Variants in TAFA2 observed in about 807,000 individuals in gnomAD.
TAFA2 encodes the protein TAFA chemokine like family member 2.
Under a neutral mutation model 18.8 loss-of-function variants are expected in TAFA2, and 7 were observed. That is an observed-to-expected ratio of 0.37 (90% CI 0.21 to 0.70). The LOEUF (loss-of-function observed/expected upper bound fraction) is 0.70, where lower values mean the gene tolerates loss of function less well. TAFA2 is among the 30% of genes least tolerant of loss of function. TAFA2 has a pLI of 0.53. For synonymous variants in TAFA2, 60 were observed against 54.2 expected (o/e 1.11, Z -0.47); for missense variants, 122 against 158.1 (o/e 0.77, Z 1.23).
chr12:61,865,007 C>A (rs1208512327), intron 2 of TAFA2, among the ~76,000 whole-genome samples: 1 of 152,064 alleles, frequency 6.6e-6, no homozygotes, highest in Non-Finnish European at 1.5e-5. Context: ...GAAAGCCAAG[C>A]CAAATGTCCC....
At chr12:61,930,178 A>AAAACGGG (rs1392148134) in intron 1 of TAFA2, among the ~76,000 whole-genome samples, 3 of 152,134 alleles carry the variant, frequency 2.0e-5, no homozygotes, top group Non-Finnish European at 4.4e-5. Flanking sequence ...AAATAAAAAG[A>AAAACGGG]AAACGGGAAG....
At chr12:62,028,991 T>C (rs1026745516) in intron 1 of TAFA2, among the ~76,000 whole-genome samples, 2 of 152,180 alleles carry the variant, frequency 1.3e-5, no homozygotes, top group Non-Finnish European at 2.9e-5. Flanking sequence ...AAAATACATG[T>C]ATTTAATATG....
At chr12:62,166,132 C>A (rs772902093) in intron 1 of TAFA2, among the ~76,000 whole-genome samples, 26 of 152,070 alleles carry the variant, frequency 1.7e-4, no homozygotes, top group Non-Finnish European at 3.4e-4. Flanking sequence ...CTCATCTTTT[C>A]TTATATTTTA....
chr12:61,747,278 T>C (rs1565619196), intron 4 of TAFA2, among the ~76,000 whole-genome samples: 1 of 146,436 alleles, frequency 6.8e-6, no homozygotes, highest in Non-Finnish European at 1.5e-5. Flanking sequence ...GACTGTAAAC[T>C]AGTTCAACCA....
intron 1 of TAFA2, among the ~76,000 whole-genome samples, chr12:62,106,968 GTTGACA>G (rs1024544347): frequency 6.6e-6 from 1 of 152,018 alleles, no homozygotes; most frequent in Non-Finnish European, 1.5e-5. Context: ...TGTTCCCCCT[GTTGACA>G]TAGGTCAAGA....
intron 2 of TAFA2, among the ~76,000 whole-genome samples, chr12:61,781,166 G>A (rs1446720967): frequency 6.6e-6 from 1 of 151,752 alleles, no homozygotes; most frequent in Non-Finnish European, 1.5e-5. Flanking sequence ...TCAATCAGCA[G>A]GTATAAATGG....
At chr12:61,873,921 A>G (rs548032607) in intron 1 of TAFA2, among the ~76,000 whole-genome samples, 1 of 152,308 alleles carries the variant, frequency 6.6e-6, no homozygotes, top group Non-Finnish European at 1.5e-5. Flanking sequence ...TAAGTTGTAT[A>G]TATAAAGGGT....
rs561966120 is a variant in TAFA2, at chr12:61,971,055, G to C, written c.-1-103629C>G. ...AAATAGATCATTATTGAACTAAGAA[G>C]AAGTGGAAAGAAGCTGGGAGGGTAT... On this transcript the variant is annotated intron_variant, in intron 1 of 4. Transcript: ENST00000416284. Among the ~76,000 whole-genome samples the C allele has an allele frequency of 5.9e-5, 9 of 151,746 alleles. No homozygotes were observed. In the East Asian group the frequency reaches 1.4e-3, roughly 23 times the overall value.
intron 1 of TAFA2, among the ~76,000 whole-genome samples, chr12:62,254,044 C>T (rs1382265451): frequency 1.3e-5 from 2 of 152,218 alleles, no homozygotes; most frequent in Non-Finnish European, 2.9e-5. Context: ...TAAAGCTACA[C>T]TTTAAATATT....
At chr12:61,724,798 T>TATATACACCAGATGG (rs1416087029) in intron 4 of TAFA2, among the ~76,000 whole-genome samples, 208 of 98,394 alleles carry the variant, frequency 2.1e-3, no homozygotes, top group Middle Eastern at 4.6e-3. Flanking sequence ...TGTGTGTGTG[T>TATATACACCAGATGG]GTGTATACAC....
chr12:61,918,466 A>G (rs1428402968), intron 1 of TAFA2, among the ~76,000 whole-genome samples: 1 of 152,090 alleles, frequency 6.6e-6, no homozygotes, highest in African/African-American at 2.4e-5. Context: ...AGTTCCATCT[A>G]CATTGTTGCA....
At chr12:62,239,826 A>G (rs1008221496) in intron 1 of TAFA2, among the ~76,000 whole-genome samples, 1 of 152,180 alleles carries the variant, frequency 6.6e-6, no homozygotes, top group African/African-American at 2.4e-5. Flanking sequence ...TGCATGAAGC[A>G]GAAGTGAGCT....
chr12:62,121,055 T>C (rs1870174798), intron 1 of TAFA2, among the ~76,000 whole-genome samples: 1 of 151,988 alleles, frequency 6.6e-6, no homozygotes, highest in South Asian at 2.1e-4. Flanking sequence ...GGTTTCTCCA[T>C]GTTGGTCAGG....
chr12:61,922,715 C>A (rs1263507064), intron 1 of TAFA2, among the ~76,000 whole-genome samples: 3 of 152,124 alleles, frequency 2.0e-5, no homozygotes, highest in African/African-American at 4.8e-5. Flanking sequence ...TCTTTTCTTA[C>A]CCCAGTGGCA....
intron 1 of TAFA2, among the ~76,000 whole-genome samples, chr12:61,934,192 G>A (rs1479068894): frequency 6.6e-6 from 1 of 152,176 alleles, no homozygotes; most frequent in Non-Finnish European, 1.5e-5. Flanking sequence ...TTGCTGCACA[G>A]CACAAGACTG....
chr12:62,241,177 C>T (rs975307616), intron 1 of TAFA2, among the ~76,000 whole-genome samples: 1 of 152,200 alleles, frequency 6.6e-6, no homozygotes, highest in African/African-American at 2.4e-5. Context: ...CAGACACTCC[C>T]TTTGCAGCAC....
At chr12:61,719,859 G>T (rs1869819762) in intron 4 of TAFA2, among the ~76,000 whole-genome samples, 1 of 152,142 alleles carries the variant, frequency 6.6e-6, no homozygotes, top group Admixed American at 6.6e-5. Flanking sequence ...AGCACATGGA[G>T]ATGGAGCATT....
chr12:61,781,264 T>C (rs1047619832), intron 2 of TAFA2, among the ~76,000 whole-genome samples: 12 of 151,644 alleles, frequency 7.9e-5, no homozygotes, highest in African/African-American at 2.7e-4. Flanking sequence ...TGGAGGAGAA[T>C]AAAAGGCAGG....
chr12:61,983,383 G>GTTTGATTTGT (rs1555181115), intron 1 of TAFA2, among the ~76,000 whole-genome samples: 1 of 146,642 alleles, frequency 6.8e-6, no homozygotes, highest in Non-Finnish European at 1.5e-5. Flanking sequence ...CTGGGATTCT[G>GTTTGATTTGT]TTTGTTTTGT....
Sources: allele counts gnomAD v4.1 joint callset (sites outside exome capture counted in the v4.1 genomes callset), GRCh38; gene constraint gnomAD v4.1.1; transcripts MANE v1.5; gene names NCBI Gene and HGNC (gene_info 2026-07-23, HGNC 2026-07-21).